Variants in LRP1B observed in about 807,000 individuals in gnomAD.
LRP1B encodes the protein low-density lipoprotein receptor-related protein 1B.
A neutral mutation model predicts 556.6 loss-of-function variants in LRP1B; 217 were observed. The observed-to-expected ratio is 0.39, with a 90% CI of 0.35 to 0.44. LRP1B has a LOEUF of 0.44. LRP1B is among the 20% of genes least tolerant of loss of function. The pLI is 1.00. For synonymous variants in LRP1B, 2,047 were observed against 1,865.8 expected, an observed-to-expected ratio of 1.10 and a Z score of -2.50; for missense variants, 5,053 against 5,620.8, an observed-to-expected ratio of 0.90 and a Z score of 3.23.
intron 1 of LRP1B, among the ~76,000 whole-genome samples, chr2:142,064,622 A>G (rs1436220959): frequency 2.0e-5 from 3 of 151,296 alleles, no homozygotes; most frequent in Admixed American, 1.3e-4. Flanking sequence ...TTCTGCAACT[A>G]CTCTGTGCAA....
At chr2:140,682,675 C>CGT (rs112723393) in intron 41 of LRP1B, among the ~76,000 whole-genome samples, 2,703 of 149,466 alleles carry the variant, frequency 0.018, 40 homozygotes, top group African/African-American at 0.031. Flanking sequence ...GAGAGTATTG[C>CGT]GTGTGTGTGT....
At chr2:140,565,858 G>C (rs576541831) in intron 43 of LRP1B, among the ~76,000 whole-genome samples, 4 of 152,056 alleles carry the variant, frequency 2.6e-5, no homozygotes, top group Non-Finnish European at 1.5e-5. Flanking sequence ...GTGGGGAAAA[G>C]GTAAACAAAA....
chr2:141,067,488 T>C (rs1173249722), intron 7 of LRP1B, among the ~76,000 whole-genome samples: 4 of 152,000 alleles, frequency 2.6e-5, no homozygotes, highest in African/African-American at 9.7e-5. Context: ...AAACTTGACA[T>C]ATGGACTCCC....
intron 77 of LRP1B, among the ~76,000 whole-genome samples, chr2:140,336,377 T>C (rs1314031532): frequency 7.8e-6 from 1 of 127,976 alleles, no homozygotes; most frequent in African/African-American, 2.8e-5. Context: ...AAGTTATGGA[T>C]AGTTTAGTAC....
chr2:141,840,257 CTTT>C (rs565362139), intron 1 of LRP1B, among the ~76,000 whole-genome samples: 1 of 84,230 alleles, frequency 1.2e-5, no homozygotes, highest in South Asian at 4.4e-4. Flanking sequence ...AACAAATTTC[CTTT>C]TTTTTTTTTT....
chr2:141,910,728 T>C (rs956686765), intron 1 of LRP1B, among the ~76,000 whole-genome samples: 13 of 152,126 alleles, frequency 8.5e-5, no homozygotes, highest in African/African-American at 3.1e-4. Flanking sequence ...CCAGTTTTTC[T>C]ATACGATTTT....
intron 41 of LRP1B, among the ~76,000 whole-genome samples, chr2:140,694,537 C>T (rs1421895815): frequency 6.6e-6 from 1 of 152,104 alleles, no homozygotes. Flanking sequence ...CAATTGCTGA[C>T]TTAATTTAAT....
At chr2:140,474,613 G>A (rs17387536) in intron 60 of LRP1B, among the ~76,000 whole-genome samples, 23,691 of 151,740 alleles carry the variant, frequency 0.16, 2,311 homozygotes, top group Non-Finnish European at 0.22. Context: ...TGCTATATCC[G>A]TGTCATGTTT....
intron 1 of LRP1B, among the ~76,000 whole-genome samples, chr2:141,996,369 T>C (rs2105126229): frequency 6.6e-6 from 1 of 151,294 alleles, no homozygotes; most frequent in East Asian, 2.0e-4. Context: ...AATTTCATCA[T>C]GTCATCCTGA....
chr2:141,794,418 T>G (rs559475951), intron 2 of LRP1B, among the ~76,000 whole-genome samples: 1 of 152,122 alleles, frequency 6.6e-6, no homozygotes, highest in South Asian at 2.1e-4. Context: ...GAAGCTCTTT[T>G]GCTGTCAGAC....
At chr2:140,973,273 T>A (rs1187348533) in intron 18 of LRP1B, among the ~76,000 whole-genome samples, 1 of 151,880 alleles carries the variant, frequency 6.6e-6, no homozygotes, top group Non-Finnish European at 1.5e-5. Flanking sequence ...TCCAAAAAGC[T>A]CATGCCTTTG....
At chr2:140,947,615 T>C (rs1313495003) in intron 20 of LRP1B, among the ~76,000 whole-genome samples, 1 of 152,234 alleles carries the variant, frequency 6.6e-6, no homozygotes, top group African/African-American at 2.4e-5. Context: ...TGTGTCATTT[T>C]ACAACTTCTA....
chr2:141,192,631 C>T (rs1574175971), intron 6 of LRP1B, among the ~76,000 whole-genome samples: 1 of 151,588 alleles, frequency 6.6e-6, no homozygotes, highest in Admixed American at 6.6e-5. Context: ...GGATTTTGCT[C>T]TCATTGTTCC....
chr2:141,175,386 C>G (rs901322023), intron 7 of LRP1B, among the ~76,000 whole-genome samples: 3 of 152,138 alleles, frequency 2.0e-5, no homozygotes, highest in Admixed American at 6.5e-5. Flanking sequence ...CCCTGCTGCT[C>G]TATGCAGCCT....
At chr2:140,410,001 G>A (rs896539321) in intron 66 of LRP1B, among the ~76,000 whole-genome samples, 28 of 151,832 alleles carry the variant, frequency 1.8e-4, no homozygotes, top group African/African-American at 4.6e-4. Flanking sequence ...GGTTGCCTTC[G>A]CCATAAAACC....
chr2:141,414,437 T>G (rs962956397), intron 3 of LRP1B, among the ~76,000 whole-genome samples: 2 of 152,032 alleles, frequency 1.3e-5, no homozygotes, highest in African/African-American at 4.8e-5. Context: ...TGCCTCTTAC[T>G]GTGATCTTAC....
In LRP1B at chr2:141,013,541, T is replaced by C. The variant is rs756623970; in HGVS notation, c.2380+15A>G. Reference sequence around the variant, plus strand: ...TATGTGAATCTCAGAAGCATTTTAATTTGTTTTTTAATACCTTGTTGCTTT... The same window carrying C: ...TATGTGAATCTCAGAAGCATTTTAACTTGTTTTTTAATACCTTGTTGCTTT... On this transcript the variant is annotated intron_variant, in intron 14 of 90. Coordinates refer to ENST00000389484, the MANE Select transcript of LRP1B (RefSeq NM_018557.3). The C allele has an allele frequency of 3.1e-6, 5 of 1,591,324 alleles. No homozygotes were observed. In the South Asian group the frequency reaches 4.6e-5, roughly 15 times the overall value.
chr2:141,607,803 G>A (rs1227693911), intron 2 of LRP1B, among the ~76,000 whole-genome samples: 6 of 152,112 alleles, frequency 3.9e-5, no homozygotes, highest in African/African-American at 1.4e-4. Flanking sequence ...CACATCTGTC[G>A]TCCCAGCTAC....
intron 1 of LRP1B, among the ~76,000 whole-genome samples, chr2:142,018,960 T>G (rs916293657): frequency 2.0e-5 from 3 of 152,160 alleles, no homozygotes; most frequent in African/African-American, 7.2e-5. Context: ...TAAGTTATGG[T>G]TTTAGGTTAC....
Sources: gnomAD v4.1 joint callset for allele counts (sites outside exome capture counted in the v4.1 genomes callset) on GRCh38, gnomAD v4.1.1 for gene constraint, MANE v1.5 for transcripts, NCBI Gene and HGNC (gene_info 2026-07-23, HGNC 2026-07-21) for gene names.